ARHGAP24: variants seen among roughly 807,000 people sequenced by gnomAD.
ARHGAP24 encodes rho GTPase-activating protein 24.
A neutral mutation model predicts 76.4 loss-of-function variants in ARHGAP24; 50 were observed. The observed-to-expected ratio is 0.65, with a 90% confidence interval of 0.52 to 0.83. The LOEUF (loss-of-function observed/expected upper bound fraction) is 0.83. Ranked by LOEUF, ARHGAP24 falls within the 40% of genes least tolerant of loss-of-function variation. The pLI, the probability that ARHGAP24 is intolerant of heterozygous loss-of-function variation, is 0.00. For missense variants in ARHGAP24, 930 were observed against 914.2 expected, an observed-to-expected ratio of 1.02 and a Z score of -0.22; for synonymous variants, 345 against 323.3, an observed-to-expected ratio of 1.07 and a Z score of -0.72.
chr4:85,948,710 G>T (rs1232833951), intron 5 of ARHGAP24, among the ~76,000 whole-genome samples: 1 of 152,102 alleles, frequency 6.6e-6, no homozygotes, highest in Admixed American at 6.5e-5. Context: ...ATAAAAAAAG[G>T]TTTCTATTGC....
At chr4:85,661,590 A>T (rs1292172581) in intron 2 of ARHGAP24, among the ~76,000 whole-genome samples, 1 of 152,042 alleles carries the variant, frequency 6.6e-6, no homozygotes, top group African/African-American at 2.4e-5. Context: ...ATATGTATAC[A>T]TGTGCCATGC....
At chr4:85,567,485 G>C (rs1726895613) in intron 1 of ARHGAP24, among the ~76,000 whole-genome samples, 1 of 152,166 alleles carries the variant, frequency 6.6e-6, no homozygotes, top group Non-Finnish European at 1.5e-5. Flanking sequence ...CTTTGCAACT[G>C]GGTGTATCAT....
rs940049322 is a variant in ARHGAP24, at chr4:85,937,848, G to T, written c.392-4218G>T. ...AAAAGTTAGCAAGTGGATGGAAAAT[G>T]ATGAAAAGGAGACAGAGTCACATAC... On this transcript the variant is annotated intron_variant, in intron 4 of 9. Transcript: ENST00000395184. Among the ~76,000 whole-genome samples, 4 of 152,204 alleles carry T rather than the reference G, an allele frequency of 2.6e-5. No homozygotes were observed. The East Asian group carries it at 5.8e-4, about 22-fold the overall frequency.
At chr4:85,856,226 CTATT>C (rs1379370031) in intron 3 of ARHGAP24, among the ~76,000 whole-genome samples, 6 of 151,878 alleles carry the variant, frequency 4.0e-5, no homozygotes, top group East Asian at 3.9e-4. Flanking sequence ...TCTTGGGTAT[CTATT>C]TATGTACTTT....
chr4:85,950,016 G>A (rs1259503997), intron 5 of ARHGAP24, among the ~76,000 whole-genome samples: 1 of 152,148 alleles, frequency 6.6e-6, no homozygotes, highest in Non-Finnish European at 1.5e-5. Flanking sequence ...ATGCTAGTGA[G>A]TAAAGTGGTG....
intron 1 of ARHGAP24, among the ~76,000 whole-genome samples, chr4:85,488,048 A>G (rs1723205540): frequency 6.7e-6 from 1 of 150,348 alleles, no homozygotes; most frequent in Non-Finnish European, 1.5e-5. Flanking sequence ...TGGGGACTAC[A>G]GGCGCCGGCC....
intron 2 of ARHGAP24, among the ~76,000 whole-genome samples, chr4:85,628,891 T>C (rs1385391573): frequency 3.3e-5 from 5 of 152,182 alleles, no homozygotes; most frequent in African/African-American, 1.2e-4. Flanking sequence ...CAAAAGTGAG[T>C]TTCTTATAGG....
chr4:85,866,249 A>G (rs1434093663), intron 3 of ARHGAP24, among the ~76,000 whole-genome samples: 1 of 152,176 alleles, frequency 6.6e-6, no homozygotes, highest in Non-Finnish European at 1.5e-5. Flanking sequence ...GTCAGTGACA[A>G]AGACAGAGCT....
chr4:85,656,886 G>A (rs998178063), intron 2 of ARHGAP24, among the ~76,000 whole-genome samples: 1 of 152,120 alleles, frequency 6.6e-6, no homozygotes, highest in Non-Finnish European at 1.5e-5. Context: ...TTTACTAACA[G>A]TGTTGTTTAA....
intron 1 of ARHGAP24, among the ~76,000 whole-genome samples, chr4:85,560,958 C>A (rs886436358): frequency 6.6e-6 from 1 of 152,140 alleles, no homozygotes; most frequent in Non-Finnish European, 1.5e-5. Flanking sequence ...TTAATGTAGA[C>A]CCCAAAGACT....
intron 1 of ARHGAP24, among the ~76,000 whole-genome samples, chr4:85,522,841 C>A (rs1446506471): frequency 6.6e-6 from 1 of 152,172 alleles, no homozygotes; most frequent in Non-Finnish European, 1.5e-5. Flanking sequence ...TATACGATAA[C>A]ATGATTTGCC....
At chr4:85,958,957 G>A (rs10222787) in intron 5 of ARHGAP24, among the ~76,000 whole-genome samples, 1,981 of 152,134 alleles carry the variant, frequency 0.013, 39 homozygotes, top group African/African-American at 0.045. Flanking sequence ...TAATGTTTTT[G>A]AGGTTCATCT....
At chr4:85,952,694 C>A (rs781250121) in intron 5 of ARHGAP24, among the ~76,000 whole-genome samples, 1 of 152,160 alleles carries the variant, frequency 6.6e-6, no homozygotes, top group Non-Finnish European at 1.5e-5. Flanking sequence ...TTTATATAGG[C>A]ATGACTCATT....
At chr4:85,493,192 G>A (rs72970787) in intron 1 of ARHGAP24, among the ~76,000 whole-genome samples, 2,173 of 152,288 alleles carry the variant, frequency 0.014, 55 homozygotes, top group African/African-American at 0.049. Context: ...TTCTAGGCTG[G>A]CCAGGTTTCT....
intron 2 of ARHGAP24, among the ~76,000 whole-genome samples, chr4:85,698,674 C>T (rs902737798): frequency 1.3e-5 from 2 of 152,168 alleles, no homozygotes; most frequent in African/African-American, 4.8e-5. Context: ...AGGGCGCCAA[C>T]ATGGTTGGGT....
chr4:85,949,952 A>G (rs2148831235), intron 5 of ARHGAP24, among the ~76,000 whole-genome samples: 1 of 152,320 alleles, frequency 6.6e-6, no homozygotes, highest in African/African-American at 2.4e-5. Context: ...CAGATAAACA[A>G]TAAACAGCAA....
Position 85,650,807 on chromosome 4 carries a change from C to T in ARHGAP24, c.181-71078C>T. Among the ~76,000 whole-genome samples, 2 of 149,220 alleles carry T rather than the reference C, an allele frequency of 1.3e-5. 1 individual carries two copies. Among genetic ancestry groups the T allele is most frequent in the African/African-American group, 5.2e-5 (2 of 38,682 alleles). On this transcript the variant is annotated intron_variant, in intron 2 of 9. Transcript: ENST00000395184. ...ATGAGTACTGAGAACATTAAGGGAA[C>T]CTGTGAAAGTATTGATCCTAAAGGA...
At chr4:85,720,874 C>A (rs1724905899) in intron 2 of ARHGAP24, among the ~76,000 whole-genome samples, 1 of 151,996 alleles carries the variant, frequency 6.6e-6, no homozygotes, top group South Asian at 2.1e-4. Flanking sequence ...AGTCAAGTCA[C>A]TGAAAAGTGA....
At chr4:85,622,266 TC>T (rs1212765461) in intron 2 of ARHGAP24, among the ~76,000 whole-genome samples, 13 of 87,600 alleles carry the variant, frequency 1.5e-4, no homozygotes, top group African/African-American at 5.3e-4. Context: ...CCCCAAACAG[TC>T]CCCGGTGTGT....
Sources: gnomAD v4.1 joint callset for allele counts (sites outside exome capture counted in the v4.1 genomes callset) on GRCh38, gnomAD v4.1.1 for gene constraint, MANE v1.5 for transcripts, NCBI Gene and HGNC (gene_info 2026-07-23, HGNC 2026-07-21) for gene names.